The following BLOC1S2 variants were observed in gnomAD, a reference collection of about 807,000 sequenced individuals.
BLOC1S2 encodes biogenesis of lysosomal organelles complex 1 subunit 2, also known as biogenesis of lysosome-related organelles complex 1 subunit 2.
BLOC1S2 carries 12 observed loss-of-function variants against 19.6 expected under a neutral mutation model. That is an observed-to-expected ratio of 0.61 (90% CI 0.39 to 0.99). The LOEUF (loss-of-function observed/expected upper bound fraction) is 0.99, where lower values mean the gene tolerates loss of function less well. BLOC1S2 is among the 50% of genes least tolerant of loss of function. The probability of loss-of-function intolerance (pLI) is 0.00; values close to 1 mark genes in which losing one functional copy is unlikely to be tolerated. For missense variants in BLOC1S2, 142 were observed against 171.0 expected (o/e 0.83, Z 0.95); for synonymous variants, 66 against 64.1 (o/e 1.03, Z -0.14).
chr10:100,273,977 G>A lies in BLOC1S2; in HGVS notation c.*1485C>T, dbSNP rs530213999. On this transcript the variant is annotated 3_prime_UTR_variant, in exon 5 of 5. Transcript: ENST00000370372. ...ATTTAAGAAAAATGTTTAAATAGGG[G>A]CCTTATGTTAGGCACGGTGGTTCAT... 1 of 152,128 alleles carries A rather than the reference G, an allele frequency of 6.6e-6. No individual in the cohort carries two copies. Among genetic ancestry groups the A allele is most frequent in the Admixed American group, 6.6e-5 (1 of 15,258 alleles). The allele number at this position is 152,128 out of a possible 1,614,324, so 9.4% of individuals were successfully genotyped here.
chr10:100,286,490 A>G, intron 1 of BLOC1S2, 115 bp downstream of exon 1: 1 of 1,514,484 alleles, frequency 6.6e-7, no homozygotes, highest in Non-Finnish European at 8.9e-7. Flanking sequence ...CGACAAGTGC[A>G]CTCCTCTCAC....
chr10:100,282,355 G>A (rs1848130329), intron 2 of BLOC1S2, among the ~76,000 whole-genome samples: 1 of 151,982 alleles, frequency 6.6e-6, no homozygotes, highest in South Asian at 2.1e-4. Flanking sequence ...CTGGTTTTTG[G>A]CCCTACCATC....
chr10:100,286,216 G>A lies in BLOC1S2; in HGVS notation c.56-3C>T, dbSNP rs184234759. The A allele has an allele frequency of 2.2e-5, 35 of 1,613,586 alleles. No homozygotes were observed. The East Asian group carries it at 5.6e-4, about 26-fold the overall frequency. On this transcript the variant is annotated splice_polypyrimidine_tract_variant and splice_region_variant and intron_variant, in intron 1 of 4. Coordinates refer to ENST00000370372, the MANE Select transcript of BLOC1S2 (RefSeq NM_173809.5). ...AGCTGTCTCCACGGCGGCATCGTCT[G>A]GGCCAAGGGAGAATGACTAAGTGTC...
At chr10:100,284,266 G>C (rs1346974086) in intron 2 of BLOC1S2, among the ~76,000 whole-genome samples, 4 of 152,216 alleles carry the variant, frequency 2.6e-5, no homozygotes, top group African/African-American at 9.7e-5. Flanking sequence ...TTGAAAGAAT[G>C]CAGGGGCTAG....
intron 2 of BLOC1S2, 67 bp from the exon 3 acceptor site, chr10:100,281,120 T>G: frequency 3.2e-6 from 5 of 1,576,592 alleles, no homozygotes; most frequent in Non-Finnish European, 4.3e-6. Flanking sequence ...TGTGGGAGTA[T>G]AAGCTAAGTG....
intron 3 of BLOC1S2, 149 bp downstream of exon 3, chr10:100,280,785 T>C (rs1848082997): frequency 8.6e-7 from 1 of 1,157,110 alleles, no homozygotes; most frequent in African/African-American, 1.6e-5. Context: ...ATCCTCAGAA[T>C]GGAAGAAATT....
Position 100,274,429 on chromosome 10 carries a change from C to T in BLOC1S2, c.*1033G>A, listed in dbSNP as rs1365653453. ...AGGGACAGTTAAGATGAGAAGAGAC[C>T]ACAGCAACAGTCCAGGAAGAACAGA... On this transcript the variant is annotated 3_prime_UTR_variant, in exon 5 of 5. Transcript: ENST00000370372. 1 of 152,396 alleles carries T rather than the reference C, an allele frequency of 6.6e-6. No individual in the cohort carries two copies. The highest frequency in any genetic ancestry group is 1.5e-5 in the Non-Finnish European group (1 of 68,118). 9.4% of individuals were successfully genotyped at this position (152,396 alleles called of 1,614,324 possible).
At position 100,274,880 on chromosome 10, in the gene BLOC1S2, C is replaced by T. The variant is rs1254849045; in HGVS notation, c.*582G>A. On this transcript the variant is annotated 3_prime_UTR_variant, in exon 5 of 5. Coordinates refer to ENST00000370372, the MANE Select transcript of BLOC1S2 (RefSeq NM_173809.5). ...CACATACGCCAAGTTATCAATACTC[C>T]TTTCACCATTTCTGCTCAATCTAGA... The T allele has an allele frequency of 7.5e-6, 3 of 398,134 alleles. No individual in the cohort carries two copies. The highest frequency in any genetic ancestry group is 1.3e-5 in the Non-Finnish European group (3 of 225,934). 24.7% of individuals were successfully genotyped at this position (398,134 alleles called of 1,614,324 possible).
chr10:100,279,264 A>T (rs1369557674), intron 4 of BLOC1S2, among the ~76,000 whole-genome samples: 1 of 152,248 alleles, frequency 6.6e-6, no homozygotes, highest in Non-Finnish European at 1.5e-5. Flanking sequence ...CATTTAAGAC[A>T]TATTTATCTA....
Position 100,280,895 on chromosome 10 carries a change from T to A in BLOC1S2, c.292+39A>T, listed in dbSNP as rs531253561. 3.8e-6 allele frequency: 6 copies of A among 1,578,078 alleles called. No individual in the cohort carries two copies. The Admixed American group carries it at 1.1e-4, about 29-fold the overall frequency. Reference sequence around the variant, plus strand: ...CATGGCCCCAAGCACAAAAGAACATTAAATACAAACATGTTTAATTACAAA... The same window carrying A: ...CATGGCCCCAAGCACAAAAGAACATAAAATACAAACATGTTTAATTACAAA... On this transcript the variant is annotated intron_variant, in intron 3 of 4. Transcript: ENST00000370372.
At chr10:100,275,809 C>G (rs1847834902) in intron 4 of BLOC1S2, among the ~76,000 whole-genome samples, 1 of 152,204 alleles carries the variant, frequency 6.6e-6, no homozygotes, top group Admixed American at 6.5e-5. Flanking sequence ...TACTAAAAAA[C>G]TGCCTCTCTC....
Position 100,273,841 on chromosome 10 carries a change from A to G in BLOC1S2, c.*1621T>C, listed in dbSNP as rs1264343670. The stretch of plus-strand genomic sequence containing the variant: ...ACAGAGCAAGACTTCATCTCAAAAA[A>G]AAAAAAAAAATAGATCAATACATGC... On this transcript the variant is annotated 3_prime_UTR_variant, in exon 5 of 5. Transcript: ENST00000370372. 1 of 152,130 alleles carries G rather than the reference A, an allele frequency of 6.6e-6. No individual in the cohort carries two copies. The highest frequency in any genetic ancestry group is 1.5e-5 in the Non-Finnish European group (1 of 68,050). The allele number at this position is 152,130 out of a possible 1,614,324, so 9.4% of individuals were successfully genotyped here. A position where few individuals can be genotyped will look rare whatever the true frequency, so the allele number is the denominator to read the frequency against.
At chr10:100,285,340 C>T in intron 2 of BLOC1S2, among the ~76,000 whole-genome samples, 1 of 152,148 alleles carries the variant, frequency 6.6e-6, no homozygotes, top group South Asian at 2.1e-4. Context: ...CTGCAACCTG[C>T]AACCTCCACC....
At chr10:100,278,106 T>TGGG (rs71013436) in intron 4 of BLOC1S2, among the ~76,000 whole-genome samples, 6 of 68,924 alleles carry the variant, frequency 8.7e-5, no homozygotes, top group African/African-American at 3.3e-4. Context: ...GGGAGGGAGG[T>TGGG]GGGGGGGCGG....
chr10:100,276,847 C>G lies in BLOC1S2; in HGVS notation c.398-1354G>C, dbSNP rs866225124. On this transcript the variant is annotated intron_variant, in intron 4 of 4. Transcript: ENST00000370372. The stretch of plus-strand genomic sequence containing the variant: ...GGAGTGCAGTGGCGTGATCTCGGCT[C>G]GCTATGGCCTCCACCTCCCAGCCGC... 1.1e-3 allele frequency among the ~76,000 whole-genome samples: 167 copies of G among 152,138 alleles called. 1 individual carries two copies. Among genetic ancestry groups the G allele is most frequent in the African/African-American group, 3.9e-3 (160 of 41,516 alleles).
chr10:100,282,595 C>A (rs1029420185), intron 2 of BLOC1S2, among the ~76,000 whole-genome samples: 6 of 152,198 alleles, frequency 3.9e-5, no homozygotes, highest in Non-Finnish European at 7.3e-5. Context: ...TTATCAGACC[C>A]CCTTAACTAT....
In BLOC1S2 at chr10:100,279,922, T is replaced by G. The variant is rs146023043; in HGVS notation, c.397+202A>C. On this transcript the variant is annotated intron_variant, in intron 4 of 4. Coordinates refer to ENST00000370372, the MANE Select transcript of BLOC1S2 (RefSeq NM_173809.5). ...AAACAAAAACCAAACATAATACATG[T>G]AAAGCACTAAGAACAGTGCCTGATA... 548 of 357,594 alleles carry G rather than the reference T, an allele frequency of 1.5e-3. 6 individuals are homozygous for G. Among genetic ancestry groups the G allele is most frequent in the African/African-American group, 0.011 (513 of 47,482 alleles). The allele number at this position is 357,594 out of a possible 1,614,324, so 22.2% of individuals were successfully genotyped here.
chr10:100,279,140 C>T (rs1046548228), intron 4 of BLOC1S2, among the ~76,000 whole-genome samples: 1 of 152,008 alleles, frequency 6.6e-6, no homozygotes, highest in Admixed American at 6.6e-5. Flanking sequence ...AAATTCTTTA[C>T]TTTTAACCAT....
At chr10:100,285,920 T>C (rs1168612422) in intron 2 of BLOC1S2, among the ~76,000 whole-genome samples, 177 bp downstream of exon 2, 1 of 152,230 alleles carries the variant, frequency 6.6e-6, no homozygotes, top group Non-Finnish European at 1.5e-5. Flanking sequence ...TTAGTCTATG[T>C]TACAGAGGCC....
Sources: gnomAD v4.1 joint callset for allele counts (sites outside exome capture counted in the v4.1 genomes callset) on GRCh38, gnomAD v4.1.1 for gene constraint, MANE v1.5 for transcripts, NCBI Gene and HGNC (gene_info 2026-07-23, HGNC 2026-07-21) for gene names.